GPC1: variants seen among roughly 807,000 people sequenced by gnomAD.
GPC1 encodes glypican-1.
In GPC1, 26 loss-of-function variants were observed where a neutral mutation model predicts 51.5. The ratio of observed to expected loss-of-function variants is 0.50; its 90% CI spans 0.37 to 0.70. The LOEUF (loss-of-function observed/expected upper bound fraction) is 0.70. GPC1 is among the 30% of genes least tolerant of loss of function. The pLI, the probability that GPC1 is intolerant of heterozygous loss-of-function variation, is 0.00. For missense variants in GPC1, 775 were observed against 800.5 expected (o/e 0.97, Z 0.38); for synonymous variants, 380 against 348.3 (o/e 1.09, Z -1.01).
chr2:240,458,969 T>C (rs2074193605), intron 1 of GPC1, 61 bp from the exon 2 acceptor site: 6 of 1,487,460 alleles, frequency 4.0e-6, no homozygotes, highest in South Asian at 1.2e-5. Flanking sequence ...AGCCTGAGGG[T>C]GCCCTCCTGG....
intron 1 of GPC1, chr2:240,449,802 G>A (rs13421123): frequency 0.14 from 63,448 of 467,174 alleles, 4,841 homozygotes; most frequent in Middle Eastern, 0.29. Context: ...GAGTCTTGCC[G>A]TATCTGTCCT....
chr2:240,458,092 T>C, intron 1 of GPC1: 1 of 470,528 alleles, frequency 2.1e-6, no homozygotes, highest in Non-Finnish European at 4.4e-6. Flanking sequence ...CCCCTCACTG[T>C]ATAGCTGGGA....
intron 1 of GPC1, chr2:240,458,020 A>G (rs1055218385): frequency 2.1e-6 from 1 of 470,074 alleles, no homozygotes; most frequent in African/African-American, 2.0e-5. Context: ...GACGAGGCCC[A>G]GAAGGAACAG....
In GPC1 at chr2:240,462,278, C is replaced by T. The variant is rs745441085; in HGVS notation, c.413C>T (p.Ala138Val). Reference protein sequence around the residue: ...GAFGELYTQNARAFRDLYSEL... With the variant: ...GAFGELYTQNVRAFRDLYSEL... ...TTCGGAGAGCTGTACACGCAGAACG[C>T]GAGGGCCTTCCGGGACCTGTACTCA... The change falls in exon 3 of 9, where the codon GCG becomes GTG. Residue 138 changes from alanine to valine, a missense_variant. Physicochemically the swap from Ala to Val is moderately conservative, Grantham distance 64. Coordinates refer to ENST00000264039, the MANE Select transcript of GPC1 (RefSeq NM_002081.3). 2.3e-5 allele frequency: 37 copies of T among 1,609,886 alleles called. No homozygotes were observed. Among genetic ancestry groups the T allele is most frequent in the African/African-American group, 4.0e-5 (3 of 74,880 alleles).
chr2:240,439,242 G>A (rs10184291), intron 1 of GPC1, among the ~76,000 whole-genome samples: 60,591 of 152,014 alleles, frequency 0.4, 13,318 homozygotes, highest in Non-Finnish European at 0.49. Flanking sequence ...ATAGCTTCTC[G>A]GAGGACACCC....
intron 1 of GPC1, among the ~76,000 whole-genome samples, chr2:240,455,224 A>T (rs563728530): frequency 6.7e-4 from 102 of 152,268 alleles, no homozygotes; most frequent in African/African-American, 2.4e-3. Flanking sequence ...ATCTGCCATT[A>T]AACAAATAAT....
intron 2 of GPC1, among the ~76,000 whole-genome samples, chr2:240,460,114 G>C (rs912800793): frequency 1.3e-5 from 2 of 152,066 alleles, no homozygotes; most frequent in Non-Finnish European, 2.9e-5. Flanking sequence ...GCTCCCGGGA[G>C]AGTCTGCCTG....
intron 1 of GPC1, among the ~76,000 whole-genome samples, chr2:240,439,662 G>A (rs1185068519): frequency 1.3e-5 from 2 of 152,196 alleles, no homozygotes; most frequent in Non-Finnish European, 2.9e-5. Flanking sequence ...CTGAAAGGGT[G>A]TTTCCGGCTG....
intron 1 of GPC1, 27 bp downstream of exon 1, chr2:240,436,111 C>T: frequency 3.2e-6 from 4 of 1,244,796 alleles, no homozygotes; most frequent in East Asian, 3.1e-5. Context: ...CGCCGGGAAC[C>T]CGGGCCTGGC....
At chr2:240,454,298 G>A (rs2151792141) in intron 1 of GPC1, among the ~76,000 whole-genome samples, 1 of 152,336 alleles carries the variant, frequency 6.6e-6, no homozygotes, top group Non-Finnish European at 1.5e-5. Flanking sequence ...ATCCTCTGCA[G>A]CCTGGGCAGT....
Position 240,466,818 on chromosome 2 carries a change from C to A in GPC1, c.*528C>A, listed in dbSNP as rs1405617428. 1 of 155,010 alleles carries A rather than the reference C, an allele frequency of 6.5e-6. No individual in the cohort carries two copies. Among genetic ancestry groups the A allele is most frequent in the Non-Finnish European group, 1.4e-5 (1 of 69,984 alleles). 9.6% of individuals were successfully genotyped at this position (155,010 alleles called of 1,614,324 possible). On this transcript the variant is annotated 3_prime_UTR_variant, in exon 9 of 9. Transcript: ENST00000264039. Reference sequence around the variant, plus strand: ...TCTGAGATGATGCATGATGCCCTCCCCTCAGCGCAGGCTGCAGAGCCCGGC... The same window carrying A: ...TCTGAGATGATGCATGATGCCCTCCACTCAGCGCAGGCTGCAGAGCCCGGC...
intron 1 of GPC1, chr2:240,457,841 A>G: frequency 2.9e-6 from 1 of 340,740 alleles, no homozygotes; most frequent in Non-Finnish European, 6.0e-6. Context: ...CCAGGGTCCC[A>G]GAACAGGATG....
At chr2:240,451,095 C>T (rs754753436) in intron 1 of GPC1, 5 of 470,262 alleles carry the variant, frequency 1.1e-5, no homozygotes, top group African/African-American at 2.0e-5. Context: ...CGGAGGTGAG[C>T]GGCCGAGTTC....
At chr2:240,450,859 C>A in intron 1 of GPC1, 2 of 449,260 alleles carry the variant, frequency 4.5e-6, no homozygotes, top group Non-Finnish European at 4.6e-6. Context: ...GCTCCCCTGG[C>A]AGAGGTTCCC....
intron 1 of GPC1, among the ~76,000 whole-genome samples, chr2:240,454,095 G>A (rs565190737): frequency 1.3e-5 from 2 of 152,242 alleles, no homozygotes; most frequent in African/African-American, 4.8e-5. Flanking sequence ...CAGGGGTGTG[G>A]GGAGGGGAGG....
Position 240,459,435 on chromosome 2 carries a change from A to G in GPC1, c.325+247A>G, listed in dbSNP as rs543183229. On this transcript the variant is annotated intron_variant, in intron 2 of 8. Coordinates refer to ENST00000264039, the MANE Select transcript of GPC1 (RefSeq NM_002081.3). ...TGTGCACAGCCCATTCCCAGTGCACATTTGGGGACAGAGGGCCTATCCCAT... is the reference window on the plus strand; with the variant it reads ...TGTGCACAGCCCATTCCCAGTGCACGTTTGGGGACAGAGGGCCTATCCCAT... Among the ~76,000 whole-genome samples, 62 of 152,234 alleles carry G rather than the reference A, an allele frequency of 4.1e-4. 2 individuals carry two copies. In the South Asian group the frequency reaches 0.011, roughly 26 times the overall value.
chr2:240,438,098 C>T (rs1039422079), intron 1 of GPC1, among the ~76,000 whole-genome samples: 1 of 152,182 alleles, frequency 6.6e-6, no homozygotes, highest in African/African-American at 2.4e-5. Flanking sequence ...GGAGTACGAA[C>T]GCCCTGCAGC....
At chr2:240,456,183 G>A (rs947728646) in intron 1 of GPC1, 4 of 259,926 alleles carry the variant, frequency 1.5e-5, no homozygotes, top group Admixed American at 1.2e-4. Flanking sequence ...GTGCGCGGCC[G>A]TGAGGGGGTG....
At chr2:240,453,310 T>C (rs1293084638) in intron 1 of GPC1, among the ~76,000 whole-genome samples, 1 of 1,374 alleles carries the variant, frequency 7.3e-4, no homozygotes. Flanking sequence ...CCCGCCCCGC[T>C]CCCACCGCCC....
Sources: gnomAD v4.1 joint callset for allele counts (sites outside exome capture counted in the v4.1 genomes callset) on GRCh38, gnomAD v4.1.1 for gene constraint, MANE v1.5 for transcripts, NCBI Gene and HGNC (gene_info 2026-07-23, HGNC 2026-07-21) for gene names.